Variants in PVT1 observed in about 807,000 individuals in gnomAD.
PVT1 encodes Pvt1 oncogene.
intron 2 of PVT1, among the ~76,000 whole-genome samples, chr8:127,814,859 G>A (rs1814641562): frequency 6.6e-6 from 1 of 151,956 alleles, no homozygotes; most frequent in Non-Finnish European, 1.5e-5. Flanking sequence ...CTCATCCCCT[G>A]GTATCCACAG....
chr8:127,806,394 T>G (rs1448527961), intron 2 of PVT1, among the ~76,000 whole-genome samples: 2 of 151,900 alleles, frequency 1.3e-5, no homozygotes, highest in Non-Finnish European at 2.9e-5. Context: ...CTGGGAGGCA[T>G]AGGTTGCAGT....
At position 127,883,321 on chromosome 8, in the gene PVT1, G is replaced by A. The variant is rs556904870; in HGVS notation, n.373-7268G>A. On this transcript the variant is annotated intron_variant and non_coding_transcript_variant, in intron 2 of 10. Transcript: ENST00000651587. ...CAGTTACCAAAGCATCCATCTGCCC[G>A]TCCTATATTGAGGGGGAGTGGATGC... is the stretch of plus-strand genomic sequence containing the variant. Among the ~76,000 whole-genome samples, 10 of 152,222 alleles carry A rather than the reference G, an allele frequency of 6.6e-5. No individual in the cohort carries two copies. The South Asian group carries it at 1.9e-3, about 28-fold the overall frequency.
At chr8:128,021,917 C>A (rs1817443416) in intron 4 of PVT1, among the ~76,000 whole-genome samples, 1 of 152,048 alleles carries the variant, frequency 6.6e-6, no homozygotes, top group South Asian at 2.1e-4. Context: ...GGTAGGGAAG[C>A]ATTACATGCC....
intron 4 of PVT1, among the ~76,000 whole-genome samples, chr8:128,007,986 AG>A (rs891970292): frequency 2.6e-5 from 4 of 152,188 alleles, no homozygotes; most frequent in African/African-American, 4.8e-5. Flanking sequence ...TTGTCTGAGG[AG>A]GCTGGAAATT....
intron 3 of PVT1, among the ~76,000 whole-genome samples, chr8:127,983,300 G>A (rs1304514036): frequency 6.6e-6 from 1 of 152,156 alleles, no homozygotes; most frequent in East Asian, 1.9e-4. Flanking sequence ...GGAGGTGGTG[G>A]TTCAAATGAA....
chr8:127,994,010 C>G (rs1295405441), intron 4 of PVT1, among the ~76,000 whole-genome samples: 4 of 152,142 alleles, frequency 2.6e-5, no homozygotes, highest in Admixed American at 1.3e-4. Flanking sequence ...TGAGATCCCC[C>G]CTGCTCATGG....
At chr8:128,060,905 CTTTTTTTT>C (rs35320355) in intron 4 of PVT1, among the ~76,000 whole-genome samples, 2 of 123,630 alleles carry the variant, frequency 1.6e-5, no homozygotes, top group African/African-American at 3.1e-5. Flanking sequence ...TAGGCAACTA[CTTTTTTTT>C]TTTTTTTTTT....
chr8:127,877,708 A>C (rs1325978486), intron 2 of PVT1, among the ~76,000 whole-genome samples: 2 of 152,142 alleles, frequency 1.3e-5, no homozygotes, highest in African/African-American at 4.8e-5. Flanking sequence ...TCTCTGTCAA[A>C]CTTAGTGAAC....
chr8:127,989,504 C>T (rs1261843774), intron 4 of PVT1, among the ~76,000 whole-genome samples: 1 of 152,076 alleles, frequency 6.6e-6, no homozygotes, highest in Non-Finnish European at 1.5e-5. Flanking sequence ...GGAAGCTCTC[C>T]CTCTGTCCCT....
intron 4 of PVT1, among the ~76,000 whole-genome samples, chr8:128,002,219 A>T (rs545688050): frequency 1.3e-5 from 2 of 152,284 alleles, no homozygotes; most frequent in South Asian, 4.1e-4. Flanking sequence ...TGAGTCTCAC[A>T]TCCGCCCTGG....
intron 3 of PVT1, among the ~76,000 whole-genome samples, chr8:127,975,501 T>C (rs1360912261): frequency 2.0e-5 from 3 of 152,224 alleles, no homozygotes; most frequent in Non-Finnish European, 4.4e-5. Flanking sequence ...TGTGGATGCC[T>C]TCAAGTTGAG....
intron 2 of PVT1, among the ~76,000 whole-genome samples, chr8:127,885,235 G>A (rs1815510102): frequency 6.6e-6 from 1 of 152,100 alleles, no homozygotes; most frequent in Non-Finnish European, 1.5e-5. Flanking sequence ...GTGACTTGCA[G>A]GAGCCTCTTC....
intron 3 of PVT1, among the ~76,000 whole-genome samples, chr8:127,957,537 C>T (rs1486917880): frequency 7.4e-6 from 1 of 135,052 alleles, no homozygotes; most frequent in Non-Finnish European, 1.5e-5. Context: ...CACTGCACTC[C>T]AGCCTGGTGA....
intron 3 of PVT1, among the ~76,000 whole-genome samples, chr8:127,987,268 C>T (rs1175238982): frequency 6.6e-6 from 1 of 152,200 alleles, no homozygotes; most frequent in African/African-American, 2.4e-5. Flanking sequence ...GTCAGCGCAC[C>T]TGGCAGACGG....
At chr8:128,041,566 TTG>T (rs1248715265) in intron 4 of PVT1, among the ~76,000 whole-genome samples, 3 of 148,432 alleles carry the variant, frequency 2.0e-5, no homozygotes, top group South Asian at 4.4e-4. Context: ...TGTGTGTATT[TTG>T]TGTGTGTGTT....
At chr8:128,028,870 T>C (rs1813356153) in intron 4 of PVT1, among the ~76,000 whole-genome samples, 1 of 152,090 alleles carries the variant, frequency 6.6e-6, no homozygotes, top group Non-Finnish European at 1.5e-5. Flanking sequence ...GGGGACAGGG[T>C]CTTGCTCTGT....
intron 4 of PVT1, among the ~76,000 whole-genome samples, chr8:128,016,670 A>G (rs1817377676): frequency 6.6e-6 from 1 of 152,186 alleles, no homozygotes; most frequent in Admixed American, 6.5e-5. Context: ...CTCACCACAC[A>G]ACTGGTGCTG....
intron 4 of PVT1, among the ~76,000 whole-genome samples, chr8:128,029,767 C>T (rs1813367559): frequency 6.6e-6 from 1 of 152,132 alleles, no homozygotes; most frequent in African/African-American, 2.4e-5. Context: ...CCACTGCACT[C>T]CAGCCTGGGC....
At chr8:128,033,787 C>T (rs1813427066) in intron 4 of PVT1, among the ~76,000 whole-genome samples, 1 of 152,164 alleles carries the variant, frequency 6.6e-6, no homozygotes, top group African/African-American at 2.4e-5. Flanking sequence ...TCCTTTGTTC[C>T]CCTTCACCAT....
Sources: allele counts gnomAD v4.1 joint callset (sites outside exome capture counted in the v4.1 genomes callset), GRCh38; gene constraint gnomAD v4.1.1; transcripts MANE v1.5; gene names NCBI Gene and HGNC (gene_info 2026-07-23, HGNC 2026-07-21).